Variants in CCDC150 observed in about 807,000 individuals in gnomAD.
The protein encoded by CCDC150 is coiled-coil domain-containing protein 150.
A neutral mutation model predicts 156.5 loss-of-function variants in CCDC150; 151 were observed. That is an observed-to-expected ratio of 0.97 (90% CI 0.85 to 1.10). The LOEUF (loss-of-function observed/expected upper bound fraction) is 1.10. Ranked by LOEUF, CCDC150 falls within the 50% of genes least tolerant of loss-of-function variation. The pLI, the probability that CCDC150 is intolerant of heterozygous loss-of-function variation, is 0.00. For synonymous variants in CCDC150, 452 were observed against 429.4 expected, an observed-to-expected ratio of 1.05 and a Z score of -0.65; for missense variants, 1,312 against 1,268.1, an observed-to-expected ratio of 1.03 and a Z score of -0.53.
At chr2:196,682,487 C>T (rs1182765664) in intron 13 of CCDC150, among the ~76,000 whole-genome samples, 1 of 151,904 alleles carries the variant, frequency 6.6e-6, no homozygotes, top group African/African-American at 2.4e-5. Context: ...CCAGACTCTC[C>T]ATTTCTGTAA....
rs563584065 is a variant in CCDC150, at chr2:196,697,963, T to TA, written c.1623+2806dup. Among the ~76,000 whole-genome samples, 13 of 152,328 alleles carry TA rather than the reference T, an allele frequency of 8.5e-5. No individual in the cohort carries two copies. In the East Asian group the frequency reaches 1.7e-3, roughly 20 times the overall value. ...TGTTTCTGAGTTAAAATGGATATTC[T>TA]AATGTTTGGTATCTTTCTCTGTATG... On this transcript the variant is annotated intron_variant, in intron 14 of 27. Coordinates refer to ENST00000389175, the MANE Select transcript of CCDC150 (RefSeq NM_001080539.2).
At chr2:196,641,808 A>T (rs960400884) in intron 1 of CCDC150, among the ~76,000 whole-genome samples, 1 of 151,934 alleles carries the variant, frequency 6.6e-6, no homozygotes, top group African/African-American at 2.4e-5. Context: ...AACAACATTG[A>T]CTCCCTGGAC....
At chr2:196,704,704 C>T (rs1696480800) in intron 15 of CCDC150, among the ~76,000 whole-genome samples, 1 of 152,094 alleles carries the variant, frequency 6.6e-6, no homozygotes. Context: ...TTCCGCTGCT[C>T]CCCACCCCAC....
chr2:196,685,090 T>G (rs547585937), intron 13 of CCDC150, among the ~76,000 whole-genome samples: 1 of 152,264 alleles, frequency 6.6e-6, no homozygotes. Flanking sequence ...TTTGCTTTTT[T>G]TGTTTCGTTT....
Position 196,708,407 on chromosome 2 carries a change from C to T in CCDC150, c.1696-3738C>T, listed in dbSNP as rs538352649. ...TTTTGAGTCTATTTGTGTCTCTAAA[C>T]GTGAGATGGGTCTCCTGAATACAGC... On this transcript the variant is annotated intron_variant, in intron 15 of 27. Transcript: ENST00000389175. Among the ~76,000 whole-genome samples the T allele has an allele frequency of 5.3e-5, 8 of 152,272 alleles. No homozygotes were observed. The East Asian group carries it at 5.8e-4, about 11-fold the overall frequency.
intron 17 of CCDC150, 108 bp from the exon 18 acceptor site, chr2:196,718,395 G>C: frequency 1.2e-6 from 1 of 811,366 alleles, no homozygotes; most frequent in Non-Finnish European, 1.9e-6. Flanking sequence ...TCTATTTATA[G>C]TAGTGAATAA....
At chr2:196,701,005 C>A in intron 14 of CCDC150, 104 bp from the exon 15 acceptor site, 1 of 733,110 alleles carries the variant, frequency 1.4e-6, no homozygotes, top group South Asian at 1.9e-5. Flanking sequence ...GAATCTTGAT[C>A]TTATGATGAT....
intron 22 of CCDC150, chr2:196,726,312 AT>A: frequency 4.5e-6 from 2 of 442,214 alleles, no homozygotes; most frequent in Admixed American, 3.4e-5. Context: ...TTGATGGGAG[AT>A]TTTCCATCAG....
chr2:196,732,189 A>C (rs142414891), intron 27 of CCDC150, 37 bp downstream of exon 27: 2 of 1,610,876 alleles, frequency 1.2e-6, no homozygotes, highest in African/African-American at 1.3e-5. Context: ...GCAATTTTCT[A>C]CTTGTTGCTT....
At chr2:196,699,701 G>A (rs1168294096) in intron 14 of CCDC150, among the ~76,000 whole-genome samples, 18 of 152,064 alleles carry the variant, frequency 1.2e-4, no homozygotes. Context: ...TTAATTTTTT[G>A]TAGAGACAGG....
chr2:196,731,912 A>C (rs1032310834), intron 26 of CCDC150, 121 bp from the exon 27 acceptor site: 5 of 831,674 alleles, frequency 6.0e-6, no homozygotes, highest in Non-Finnish European at 9.5e-6. Flanking sequence ...ATAGGTTGTG[A>C]AGAACAAGCA....
intron 15 of CCDC150, among the ~76,000 whole-genome samples, chr2:196,703,851 T>TA (rs1203616584): frequency 6.6e-6 from 1 of 152,208 alleles, no homozygotes; most frequent in Admixed American, 6.6e-5. Flanking sequence ...ATAAAGGAAA[T>TA]ACATGCCTGT....
At chr2:196,722,664 T>A (rs1400576577) in intron 21 of CCDC150, among the ~76,000 whole-genome samples, 1 of 152,174 alleles carries the variant, frequency 6.6e-6, no homozygotes, top group Non-Finnish European at 1.5e-5. Context: ...AGATATATGA[T>A]CTCTGCAAAT....
intron 8 of CCDC150, among the ~76,000 whole-genome samples, chr2:196,671,090 T>C (rs1694172896): frequency 1.3e-5 from 2 of 152,212 alleles, no homozygotes; most frequent in South Asian, 4.1e-4. Context: ...ACATTAGGGT[T>C]CACTCTTGGT....
intron 5 of CCDC150, among the ~76,000 whole-genome samples, chr2:196,663,155 C>G (rs189049463): frequency 0.047 from 7,056 of 150,558 alleles, 244 homozygotes; most frequent in Non-Finnish European, 0.073. Context: ...GGGAGGATCA[C>G]TTGAGTTGGG....
intron 21 of CCDC150, among the ~76,000 whole-genome samples, chr2:196,723,006 A>G (rs939154114): frequency 6.6e-6 from 1 of 152,198 alleles, no homozygotes; most frequent in Admixed American, 6.5e-5. Context: ...ATTTTCATCA[A>G]AGGTGAATCA....
rs989836199 is a variant in CCDC150, at chr2:196,689,942, G to A, written c.1510-5104G>A. Among the ~76,000 whole-genome samples the A allele has an allele frequency of 7.5e-3, 1,146 of 152,252 alleles. 6 individuals carry two copies. Among genetic ancestry groups the A allele is most frequent in the Non-Finnish European group, 0.014 (923 of 68,024 alleles). On this transcript the variant is annotated intron_variant, in intron 13 of 27. Transcript: ENST00000389175. ...CCCATCAATACCTAATTTATTGAGA[G>A]TTTTTAGCATGAAGGGTTGTTGAAT... is the stretch of plus-strand genomic sequence containing the variant.
At chr2:196,684,728 CT>C (rs1041524528) in intron 13 of CCDC150, among the ~76,000 whole-genome samples, 9 of 152,160 alleles carry the variant, frequency 5.9e-5, no homozygotes, top group Admixed American at 5.2e-4. Context: ...CTTGTGGCCT[CT>C]GTTAGGTGCA....
chr2:196,646,118 TA>T (rs1692521065), intron 1 of CCDC150, among the ~76,000 whole-genome samples: 1 of 152,174 alleles, frequency 6.6e-6, no homozygotes, highest in Admixed American at 6.5e-5. Context: ...GAGAAAGTCC[TA>T]CCTGGGATGT....
Sources: allele counts gnomAD v4.1 joint callset (sites outside exome capture counted in the v4.1 genomes callset), GRCh38; gene constraint gnomAD v4.1.1; transcripts MANE v1.5; gene names NCBI Gene and HGNC (gene_info 2026-07-23, HGNC 2026-07-21).